Variants in FAM13C observed in about 807,000 individuals in gnomAD.
The protein encoded by FAM13C is family with sequence similarity 13 member C.
In FAM13C, 37 loss-of-function variants were observed where a neutral mutation model predicts 73.2. The ratio of observed to expected loss-of-function variants is 0.51; its 90% CI spans 0.39 to 0.67. FAM13C has a LOEUF of 0.67. FAM13C is among the 30% of genes least tolerant of loss of function. FAM13C has a pLI of 0.00. For missense variants in FAM13C, 589 were observed against 715.6 expected (o/e 0.82, Z 2.02); for synonymous variants, 246 against 260.9 (o/e 0.94, Z 0.55).
chr10:59,322,443 G>A (rs990775454), intron 4 of FAM13C, among the ~76,000 whole-genome samples: 1 of 152,134 alleles, frequency 6.6e-6, no homozygotes. Flanking sequence ...TGGGAGATGG[G>A]GAGGCGAAAA....
chr10:59,302,906 G>A (rs778790165), intron 4 of FAM13C, 42 bp from the exon 5 acceptor site: 37 of 1,578,460 alleles, frequency 2.3e-5, no homozygotes, highest in South Asian at 6.7e-5. Flanking sequence ...TAAAAGAAAC[G>A]TTTCAGTGAT....
chr10:59,354,818 C>G (rs1564628785), intron 2 of FAM13C, among the ~76,000 whole-genome samples: 1 of 151,980 alleles, frequency 6.6e-6, no homozygotes, highest in African/African-American at 2.4e-5. Flanking sequence ...ACCTCTAGAG[C>G]TTCACATCTT....
At chr10:59,344,128 A>AT (rs916160560) in intron 3 of FAM13C, among the ~76,000 whole-genome samples, 71 of 149,020 alleles carry the variant, frequency 4.8e-4, no homozygotes, top group Non-Finnish European at 9.7e-4. Flanking sequence ...CGCCCAGCTA[A>AT]TTTTTTTGTG....
chr10:59,338,003 CTG>C (rs1279693736), intron 3 of FAM13C, among the ~76,000 whole-genome samples: 1 of 152,070 alleles, frequency 6.6e-6, no homozygotes, highest in Non-Finnish European at 1.5e-5. Flanking sequence ...TTCATTCTCA[CTG>C]TTGTCATAAT....
At chr10:59,253,216 G>A (rs570441352) in intron 11 of FAM13C, among the ~76,000 whole-genome samples, 1 of 152,280 alleles carries the variant, frequency 6.6e-6, no homozygotes, top group African/African-American at 2.4e-5. Flanking sequence ...CAGTCATGCT[G>A]GGCTAAAACA....
intron 3 of FAM13C, among the ~76,000 whole-genome samples, chr10:59,336,231 A>G (rs529774879): frequency 1.3e-5 from 2 of 152,310 alleles, no homozygotes; most frequent in Admixed American, 1.3e-4. Flanking sequence ...CTAAATCTTC[A>G]ATGACACTGA....
At chr10:59,322,661 T>C (rs1046201073) in intron 4 of FAM13C, among the ~76,000 whole-genome samples, 2 of 151,994 alleles carry the variant, frequency 1.3e-5, no homozygotes, top group Non-Finnish European at 2.9e-5. Flanking sequence ...CATGAATGAC[T>C]TTTTTTTGGT....
chr10:59,295,493 A>G (rs970506613), intron 5 of FAM13C, among the ~76,000 whole-genome samples: 1 of 152,136 alleles, frequency 6.6e-6, no homozygotes, highest in African/African-American at 2.4e-5. Context: ...TTGCACAACT[A>G]CAAGGAACTA....
chr10:59,304,798 G>GGGAAGGGAA lies in FAM13C; in HGVS notation c.444-1943_444-1935dup, dbSNP rs1216946433. ...GGGAAGGGAAGGGAAGGGAAGGGAA[G>GGGAAGGGAA]GGAAGGGAAGGGAAGGAAAGGGGAA... On this transcript the variant is annotated intron_variant, in intron 4 of 13. Coordinates refer to ENST00000618804, the MANE Select transcript of FAM13C (RefSeq NM_198215.4). Among the ~76,000 whole-genome samples, 91 of 105,692 alleles carry GGGAAGGGAA rather than the reference G, an allele frequency of 8.6e-4. 2 individuals carry two copies. In the East Asian group the frequency reaches 0.024, roughly 28 times the overall value. The allele number at this position is 105,692 out of a possible 152,430, so 69.3% of individuals were successfully genotyped here.
chr10:59,337,772 C>T (rs1211003343), intron 3 of FAM13C, among the ~76,000 whole-genome samples: 1 of 137,190 alleles, frequency 7.3e-6, no homozygotes, highest in African/African-American at 2.7e-5. Flanking sequence ...CTCCACCTCC[C>T]GGGTTCAAGC....
At chr10:59,267,070 A>G (rs1843151479) in intron 8 of FAM13C, among the ~76,000 whole-genome samples, 1 of 152,188 alleles carries the variant, frequency 6.6e-6, no homozygotes, top group South Asian at 2.1e-4. Context: ...CAAGTCCAAA[A>G]TCACAGAGTT....
At chr10:59,316,633 A>G (rs1849561883) in intron 4 of FAM13C, among the ~76,000 whole-genome samples, 1 of 152,174 alleles carries the variant, frequency 6.6e-6, no homozygotes, top group Admixed American at 6.5e-5. Flanking sequence ...CTAGGCTGCA[A>G]ACCTCTACAG....
intron 5 of FAM13C, among the ~76,000 whole-genome samples, chr10:59,297,967 T>C (rs1847112814): frequency 6.6e-6 from 1 of 152,190 alleles, no homozygotes; most frequent in East Asian, 1.9e-4. Flanking sequence ...CTTAGCTACC[T>C]TGAAATCCCC....
chr10:59,269,351 C>G (rs555670727), intron 7 of FAM13C, among the ~76,000 whole-genome samples: 2 of 151,754 alleles, frequency 1.3e-5, no homozygotes, highest in Non-Finnish European at 2.9e-5. Flanking sequence ...TAAACATAAA[C>G]AACACATAGT....
chr10:59,346,148 A>T (rs1255010815), intron 3 of FAM13C, among the ~76,000 whole-genome samples: 1 of 152,218 alleles, frequency 6.6e-6, no homozygotes, highest in African/African-American at 2.4e-5. Flanking sequence ...CAAGAAAAAA[A>T]TGCATATAAA....
At chr10:59,360,178 G>C (rs1856219576) in intron 1 of FAM13C, among the ~76,000 whole-genome samples, 1 of 152,100 alleles carries the variant, frequency 6.6e-6, no homozygotes, top group Non-Finnish European at 1.5e-5. Flanking sequence ...AACCATAACA[G>C]GTTAGAAAAT....
At chr10:59,320,842 T>A in intron 4 of FAM13C, among the ~76,000 whole-genome samples, 1 of 152,222 alleles carries the variant, frequency 6.6e-6, no homozygotes, top group South Asian at 2.1e-4. Context: ...TAGTTCACAA[T>A]GTACAGAGAA....
intron 3 of FAM13C, among the ~76,000 whole-genome samples, chr10:59,344,440 G>A (rs1403436906): frequency 5.8e-5 from 6 of 103,422 alleles, no homozygotes; most frequent in African/African-American, 9.6e-5. Flanking sequence ...CACCACGCAC[G>A]GCTGATTTTT....
intron 2 of FAM13C, among the ~76,000 whole-genome samples, chr10:59,355,492 G>T (rs1855589938): frequency 6.6e-6 from 1 of 152,176 alleles, no homozygotes; most frequent in Non-Finnish European, 1.5e-5. Context: ...AAATGTAGAA[G>T]AAATGATTAG....
Sources: gnomAD v4.1 joint callset for allele counts (sites outside exome capture counted in the v4.1 genomes callset) on GRCh38, gnomAD v4.1.1 for gene constraint, MANE v1.5 for transcripts, NCBI Gene and HGNC (gene_info 2026-07-23, HGNC 2026-07-21) for gene names.